The following CNTN4 variants were observed in gnomAD, a reference collection of about 807,000 sequenced individuals.
The protein encoded by CNTN4 is contactin 4.
In CNTN4, 77 loss-of-function variants were observed where a neutral mutation model predicts 122.5. The observed-to-expected ratio is 0.63, with a 90% CI of 0.52 to 0.76. The LOEUF (loss-of-function observed/expected upper bound fraction) is 0.76. Ranked by LOEUF, CNTN4 falls within the 30% of genes least tolerant of loss-of-function variation. CNTN4 has a pLI of 0.00. For synonymous variants in CNTN4, 512 were observed against 447.0 expected (o/e 1.15, Z -1.83); for missense variants, 1,256 against 1,259.1 (o/e 1.00, Z 0.04).
At chr3:2,166,293 T>A (rs1296434306) in intron 2 of CNTN4, among the ~76,000 whole-genome samples, 1 of 152,062 alleles carries the variant, frequency 6.6e-6, no homozygotes, top group Admixed American at 6.6e-5. Context: ...CTGTTAGGAT[T>A]TTTTTTGGTT....
chr3:2,713,488 G>A (rs1313876542), intron 4 of CNTN4, among the ~76,000 whole-genome samples: 3 of 152,220 alleles, frequency 2.0e-5, no homozygotes, highest in Non-Finnish European at 2.9e-5. Flanking sequence ...AGCACGGCCT[G>A]TTTGTTCAGC....
Position 2,591,396 on chromosome 3 carries a change from GCT to G in CNTN4, c.55+19841_55+19842del, listed in dbSNP as rs1208245029. Among the ~76,000 whole-genome samples, 5 of 76,646 alleles carry G rather than the reference GCT, an allele frequency of 6.5e-5. 1 individual carries two copies. Among genetic ancestry groups the G allele is most frequent in the Middle Eastern group, 0.013 (1 of 76 alleles). The allele number at this position is 76,646 out of a possible 152,430, so 50.3% of individuals were successfully genotyped here. Reference sequence around the variant, plus strand: ...TTTTTTTTTTTTGAGACGGAGTCTCGCTCTGTCGCCCAGGCTGGAGTGCAGTG... The same window carrying G: ...TTTTTTTTTTTTGAGACGGAGTCTCGCTGTCGCCCAGGCTGGAGTGCAGTG... On this transcript the variant is annotated intron_variant, in intron 4 of 24. Coordinates refer to ENST00000418658, the MANE Select transcript of CNTN4 (RefSeq NM_175607.3).
chr3:2,547,053 C>T (rs894912669), intron 3 of CNTN4, among the ~76,000 whole-genome samples: 3 of 151,876 alleles, frequency 2.0e-5, no homozygotes, highest in African/African-American at 7.3e-5. Context: ...AAAGCTTAGC[C>T]ACAGATTCGA....
chr3:2,513,345 G>T (rs1192819695), intron 3 of CNTN4, among the ~76,000 whole-genome samples: 3 of 152,130 alleles, frequency 2.0e-5, no homozygotes, highest in Admixed American at 2.0e-4. Context: ...GCAAGTATAT[G>T]ATCTTGTGCA....
chr3:2,282,781 C>G (rs1244964091), intron 2 of CNTN4, among the ~76,000 whole-genome samples: 1 of 152,122 alleles, frequency 6.6e-6, no homozygotes, highest in African/African-American at 2.4e-5. Flanking sequence ...TAAACAAAAT[C>G]TGGCATAACC....
chr3:2,271,497 G>T (rs920621616), intron 2 of CNTN4, among the ~76,000 whole-genome samples: 13 of 152,032 alleles, frequency 8.6e-5, no homozygotes, highest in Non-Finnish European at 1.5e-5. Context: ...GTTAAATAGG[G>T]ATAATAATAG....
chr3:2,272,542 T>A (rs1057450288), intron 2 of CNTN4, among the ~76,000 whole-genome samples: 2 of 152,178 alleles, frequency 1.3e-5, no homozygotes, highest in African/African-American at 4.8e-5. Context: ...GATAAAGATC[T>A]TTGTGCATAC....
intron 6 of CNTN4, among the ~76,000 whole-genome samples, chr3:2,766,086 A>G (rs1000072240): frequency 2.0e-4 from 31 of 152,200 alleles, no homozygotes; most frequent in African/African-American, 6.8e-4. Flanking sequence ...TCAGAGTTAA[A>G]GCCCAGAGTC....
At chr3:2,369,174 C>T (rs9853694) in intron 3 of CNTN4, among the ~76,000 whole-genome samples, 15,060 of 152,072 alleles carry the variant, frequency 0.099, 1,352 homozygotes, top group African/African-American at 0.24. Context: ...CTGCTCACCT[C>T]AACCTCCCAA....
At chr3:2,584,994 G>A (rs1049866270) in intron 4 of CNTN4, among the ~76,000 whole-genome samples, 1 of 152,130 alleles carries the variant, frequency 6.6e-6, no homozygotes, top group Non-Finnish European at 1.5e-5. Flanking sequence ...TACCAAGTCT[G>A]TTGGGCAATC....
chr3:2,705,283 G>A (rs1250579036), intron 4 of CNTN4, among the ~76,000 whole-genome samples: 2 of 147,372 alleles, frequency 1.4e-5, no homozygotes, highest in East Asian at 4.1e-4. Flanking sequence ...CAGGAGAATG[G>A]CGGGAACCTA....
At chr3:2,568,338 AAACC>A (rs2079272924) in intron 3 of CNTN4, among the ~76,000 whole-genome samples, 2 of 151,128 alleles carry the variant, frequency 1.3e-5, no homozygotes, top group Admixed American at 6.6e-5. Context: ...AAAAAAAAAA[AAACC>A]ACCCTGTACA....
chr3:2,700,103 G>C (rs767460), intron 4 of CNTN4, among the ~76,000 whole-genome samples: 5 of 151,890 alleles, frequency 3.3e-5, no homozygotes, highest in Non-Finnish European at 7.4e-5. Flanking sequence ...AAATTACACA[G>C]CAAGCAGTAG....
chr3:2,415,147 A>C (rs1459406985), intron 3 of CNTN4, among the ~76,000 whole-genome samples: 1 of 152,190 alleles, frequency 6.6e-6, no homozygotes, highest in African/African-American at 2.4e-5. Context: ...AGTGCCAGGG[A>C]GTCATACTGC....
chr3:2,399,761 T>A (rs542161926), intron 3 of CNTN4, among the ~76,000 whole-genome samples: 1 of 152,160 alleles, frequency 6.6e-6, no homozygotes, highest in South Asian at 2.1e-4. Flanking sequence ...TAATAATGGA[T>A]TTGGTCTGTT....
chr3:2,561,047 G>A (rs2078931051), intron 3 of CNTN4, among the ~76,000 whole-genome samples: 2 of 152,134 alleles, frequency 1.3e-5, no homozygotes, highest in Non-Finnish European at 1.5e-5. Flanking sequence ...GCGTAATGAT[G>A]GACATACTAG....
Position 2,173,204 on chromosome 3 carries a change from C to G in CNTN4, c.-145+72565C>G, listed in dbSNP as rs374121222. ...ATTTTGATGGGCTAAGAACTCCTAA[C>G]GAGGACACAGTGATCAACTGAGCAA... On this transcript the variant is annotated intron_variant, in intron 2 of 24. Coordinates refer to ENST00000418658, the MANE Select transcript of CNTN4 (RefSeq NM_175607.3). 2.6e-5 allele frequency among the ~76,000 whole-genome samples: 4 copies of G among 152,280 alleles called. No homozygotes were observed. The East Asian group carries it at 5.8e-4, about 22-fold the overall frequency.
At chr3:2,168,334 A>C (rs1010669104) in intron 2 of CNTN4, among the ~76,000 whole-genome samples, 1 of 152,172 alleles carries the variant, frequency 6.6e-6, no homozygotes, top group Non-Finnish European at 1.5e-5. Flanking sequence ...AGCTACTTGG[A>C]AATTAAAATT....
At chr3:2,573,418 G>T (rs1366977473) in intron 4 of CNTN4, among the ~76,000 whole-genome samples, 1 of 151,994 alleles carries the variant, frequency 6.6e-6, no homozygotes, top group African/African-American at 2.4e-5. Flanking sequence ...GTATGCCCAG[G>T]CTCTAATACC....
Sources: gnomAD v4.1 joint callset for allele counts (sites outside exome capture counted in the v4.1 genomes callset) on GRCh38, gnomAD v4.1.1 for gene constraint, MANE v1.5 for transcripts, NCBI Gene and HGNC (gene_info 2026-07-23, HGNC 2026-07-21) for gene names.